The following DUSP22 variants were observed in gnomAD, a reference collection of about 807,000 sequenced individuals.
DUSP22 encodes dual specificity protein phosphatase 22.
Under a neutral mutation model 24.5 loss-of-function variants are expected in DUSP22, and 24 were observed. The ratio of observed to expected loss-of-function variants is 0.98; its 90% confidence interval spans 0.71 to 1.38. DUSP22 has a LOEUF of 1.38. Among genes scored for constraint, DUSP22 ranks in the 40% most tolerant of loss-of-function variants. The pLI is 0.00. For missense variants in DUSP22, 330 were observed against 269.2 expected, an observed-to-expected ratio of 1.23 and a Z score of -1.58; for synonymous variants, 160 against 106.4, an observed-to-expected ratio of 1.50 and a Z score of -3.10.
At chr6:317,275 C>T (rs1201288109) in intron 3 of DUSP22, among the ~76,000 whole-genome samples, 1 of 152,308 alleles carries the variant, frequency 6.6e-6, no homozygotes, top group Non-Finnish European at 1.5e-5. Flanking sequence ...GGGCCTGAGG[C>T]CGAGGTCTCC....
At chr6:341,187 C>T (rs908041) in intron 4 of DUSP22, among the ~76,000 whole-genome samples, 12,314 of 148,688 alleles carry the variant, frequency 0.083, 30 homozygotes, top group East Asian at 0.24. Context: ...AAGCGTGGTC[C>T]GGTCCGTGCT....
At position 293,030 on chromosome 6, in the gene DUSP22, T is replaced by A. The variant is rs140525005; in HGVS notation, c.21+470T>A. ...GTGTGTGCCTGTGAGCACAGAGAAG[T>A]TTTTCTTGTGGACAGAGAAGTTAAC... On this transcript the variant is annotated intron_variant, in intron 1 of 6. Coordinates refer to ENST00000419235, the MANE Select transcript of DUSP22 (RefSeq NM_001286555.3). Among the ~76,000 whole-genome samples, 1,347 of 152,258 alleles carry A rather than the reference T, an allele frequency of 8.8e-3. 6 individuals are homozygous for A. Among genetic ancestry groups the A allele is most frequent in the Non-Finnish European group, 0.012 (833 of 67,970 alleles).
intron 4 of DUSP22, chr6:337,056 G>C (rs1422759844): frequency 2.6e-5 from 4 of 152,490 alleles, no homozygotes; most frequent in African/African-American, 9.6e-5. Flanking sequence ...CTGGACATCT[G>C]CTGTCAGTGC....
chr6:330,352 A>AGGAG (rs1305429706), intron 3 of DUSP22, among the ~76,000 whole-genome samples: 1 of 152,302 alleles, frequency 6.6e-6, no homozygotes, highest in Non-Finnish European at 1.5e-5. Flanking sequence ...TGGCTTTGAG[A>AGGAG]GGAGAGAGAC....
At chr6:329,364 A>G (rs1262440258) in intron 3 of DUSP22, among the ~76,000 whole-genome samples, 1 of 152,308 alleles carries the variant, frequency 6.6e-6, no homozygotes, top group Non-Finnish European at 1.5e-5. Flanking sequence ...GGAGAATGAA[A>G]AAGTCCTGGA....
At chr6:336,788 A>G (rs1474438519) in intron 4 of DUSP22, among the ~76,000 whole-genome samples, 1 of 152,308 alleles carries the variant, frequency 6.6e-6, no homozygotes, top group Non-Finnish European at 1.5e-5. Context: ...GAGAAGCAGC[A>G]TTAGAGAACT....
chr6:349,554 AC>A lies in DUSP22; in HGVS notation c.*606del. The A allele has an allele frequency of 1.0e-6, 1 of 989,422 alleles. No individual in the cohort carries two copies. Among genetic ancestry groups the A allele is most frequent in the Non-Finnish European group, 1.2e-6 (1 of 832,950 alleles). 61.3% of individuals were successfully genotyped at this position (989,422 alleles called of 1,614,324 possible). ...AAGAGCATGGCCTCTCCCAGAACCC[AC>A]CCAGGGTGGTGTGGTGGGGGCAACA... On this transcript the variant is annotated 3_prime_UTR_variant, in exon 7 of 7. Transcript: ENST00000419235.
intron 2 of DUSP22, 105 bp downstream of exon 2, chr6:304,766 T>G: frequency 6.7e-7 from 1 of 1,495,710 alleles, no homozygotes; most frequent in South Asian, 1.1e-5. Flanking sequence ...GTAATTTGCA[T>G]TGCTGTGCAG....
intron 4 of DUSP22, among the ~76,000 whole-genome samples, chr6:337,838 T>A (rs1759426606): frequency 6.6e-6 from 1 of 152,308 alleles, no homozygotes; most frequent in African/African-American, 2.4e-5. Context: ...AAGTTTATGG[T>A]TTGCTTTTGT....
intron 1 of DUSP22, among the ~76,000 whole-genome samples, chr6:302,217 C>T (rs907344662): frequency 3.3e-4 from 51 of 152,396 alleles, no homozygotes; most frequent in African/African-American, 1.2e-3. Flanking sequence ...ATACCATTTT[C>T]AAGATATATT....
At chr6:293,226 C>T (rs1327665141) in intron 1 of DUSP22, among the ~76,000 whole-genome samples, 1 of 152,294 alleles carries the variant, frequency 6.6e-6, no homozygotes, top group Non-Finnish European at 1.5e-5. Flanking sequence ...TTTCTGGGCC[C>T]CACCCTGTGT....
At chr6:315,738 T>G (rs990959825) in intron 3 of DUSP22, among the ~76,000 whole-genome samples, 11 of 152,310 alleles carry the variant, frequency 7.2e-5, no homozygotes, top group Non-Finnish European at 1.6e-4. Context: ...AGAAAGTTCT[T>G]CCCTTTGAAG....
chr6:334,463 T>A (rs1219271057), intron 3 of DUSP22, among the ~76,000 whole-genome samples: 1 of 152,302 alleles, frequency 6.6e-6, no homozygotes, highest in African/African-American at 2.4e-5. Context: ...TACATAAACC[T>A]TTTTCTGAGT....
intron 3 of DUSP22, among the ~76,000 whole-genome samples, chr6:331,770 A>C (rs1048968981): frequency 1.6e-4 from 24 of 152,424 alleles, no homozygotes; most frequent in African/African-American, 5.8e-4. Flanking sequence ...GAGACTTTTC[A>C]TGCTTTGTTA....
Position 350,684 on chromosome 6 carries a change from A to C in DUSP22, c.*1733A>C. Reference sequence around the variant, plus strand: ...ACATGTTTTTCCTAAGCCAAAAATAAATACGTTAACAGAAAAATGATTTAG... The same window carrying C: ...ACATGTTTTTCCTAAGCCAAAAATACATACGTTAACAGAAAAATGATTTAG... On this transcript the variant is annotated 3_prime_UTR_variant, in exon 7 of 7. Coordinates refer to ENST00000419235, the MANE Select transcript of DUSP22 (RefSeq NM_001286555.3). 1.3e-6 allele frequency: 2 copies of C among 1,565,564 alleles called. No homozygotes were observed. Among genetic ancestry groups the C allele is most frequent in the South Asian group, 1.2e-5 (1 of 83,850 alleles).
intron 1 of DUSP22, among the ~76,000 whole-genome samples, chr6:299,882 G>T (rs1007339379): frequency 2.0e-5 from 3 of 152,298 alleles, no homozygotes; most frequent in Non-Finnish European, 4.4e-5. Context: ...GGCACAGCTC[G>T]TATCAGGCTT....
intron 4 of DUSP22, among the ~76,000 whole-genome samples, chr6:343,929 G>A (rs1316504599): frequency 6.6e-6 from 1 of 152,306 alleles, no homozygotes; most frequent in African/African-American, 2.4e-5. Context: ...AGTGTTTAAA[G>A]AGAAGTCAGT....
chr6:302,247 C>T (rs532472175), intron 1 of DUSP22, among the ~76,000 whole-genome samples: 68 of 152,396 alleles, frequency 4.5e-4, no homozygotes, highest in African/African-American at 1.5e-3. Flanking sequence ...CGCGTAAGAT[C>T]GTCTTCCTCA....
chr6:336,658 A>C (rs1489028586), intron 4 of DUSP22, among the ~76,000 whole-genome samples: 1 of 152,312 alleles, frequency 6.6e-6, no homozygotes, highest in Non-Finnish European at 1.5e-5. Context: ...TGTGCTCCCC[A>C]GGGGCTGTGT....
Sources: gnomAD v4.1 joint callset for allele counts (sites outside exome capture counted in the v4.1 genomes callset) on GRCh38, gnomAD v4.1.1 for gene constraint, MANE v1.5 for transcripts, NCBI Gene and HGNC (gene_info 2026-07-23, HGNC 2026-07-21) for gene names.